Variants in P2RX5 observed in about 807,000 individuals in gnomAD.
P2RX5 encodes the protein purinergic receptor P2X 5, also known as P2X purinoceptor 5.
P2RX5 carries 46 observed loss-of-function variants against 54.1 expected under a neutral mutation model. That is an observed-to-expected ratio of 0.85 (90% CI 0.67 to 1.09). P2RX5 has a LOEUF of 1.09. Ranked by LOEUF, P2RX5 falls within the 50% of genes least tolerant of loss-of-function variation. P2RX5 has a pLI of 0.00. For synonymous variants in P2RX5, 226 were observed against 226.4 expected (o/e 1.00, Z 0.02); for missense variants, 566 against 549.8 (o/e 1.03, Z -0.29).
At chr17:3,690,863 G>A (rs1597269225) in intron 3 of P2RX5, 93 bp downstream of exon 3, 13 of 1,252,884 alleles carry the variant, frequency 1.0e-5, no homozygotes, top group Non-Finnish European at 1.5e-5. Context: ...GACCCTTGGA[G>A]TGGACAGACA....
At chr17:3,690,850 C>T (rs968493461) in intron 3 of P2RX5, 106 bp downstream of exon 3, 88 of 1,201,256 alleles carry the variant, frequency 7.3e-5, no homozygotes, top group Admixed American at 4.9e-4. Context: ...CACAGCCACC[C>T]GAGACCCTTG....
chr17:3,721,476 C>T, the P2RX5 span, among the ~76,000 whole-genome samples: 1 of 151,522 alleles, frequency 6.6e-6, no homozygotes. Context: ...TGGGGTTTCA[C>T]TATGCTGCCC....
the P2RX5 span, among the ~76,000 whole-genome samples, chr17:3,705,075 C>T: frequency 1.6e-4 from 25 of 152,308 alleles, no homozygotes; most frequent in East Asian, 1.7e-3. Flanking sequence ...AAGTCTACCA[C>T]GGTACCTCTT....
At chr17:3,723,334 T>C in the P2RX5 span, 2 of 1,613,970 alleles carry the variant, frequency 1.2e-6, no homozygotes, top group Non-Finnish European at 1.7e-6. Context: ...GGTGACATTT[T>C]CTTTATCTGA....
rs1718868156 is a variant in P2RX5 at position 3,691,708 on chromosome 17, A to C, written c.224T>G (p.Phe75Cys). 1.9e-6 allele frequency: 3 copies of C among 1,614,196 alleles called. No individual in the cohort carries two copies. The Admixed American group carries it at 5.0e-5, about 27-fold the overall frequency. The change falls in exon 2 of 12, where the codon TTC (phenylalanine) becomes TGC (cysteine). Residue 75 changes from phenylalanine (F) to cysteine (C), a missense_variant. Phe to Cys is a radical substitution (Grantham distance 205). Coordinates refer to ENST00000225328, the MANE Select transcript of P2RX5 (RefSeq NM_002561.4). ...AVITKVKGVAFTNTSDLGQRI... is the reference protein window; with the variant it reads ...AVITKVKGVACTNTSDLGQRI... ...CTGCCCAAGATCCGAGGTGTTGGTG[A>C]AGGCCACGCCCTTGACTTTGGTGAT...
chr17:3,691,971 A>AT, intron 1 of P2RX5, 177 bp from the exon 2 acceptor site: 1 of 665,830 alleles, frequency 1.5e-6, no homozygotes, highest in Non-Finnish European at 2.7e-6. Flanking sequence ...TGCTGACTGA[A>AT]ACCCAGTCCT....
chr17:3,683,359 C>T (rs1173206756), intron 9 of P2RX5, among the ~76,000 whole-genome samples: 1 of 152,216 alleles, frequency 6.6e-6, no homozygotes, highest in Non-Finnish European at 1.5e-5. Flanking sequence ...TAACCTTGAC[C>T]ACCACCTCTT....
chr17:3,722,124 A>G, the P2RX5 span, among the ~76,000 whole-genome samples: 4 of 151,648 alleles, frequency 2.6e-5, no homozygotes, highest in African/African-American at 4.9e-5. Context: ...GGTTGCAGTG[A>G]GCCGAGATCG....
At chr17:3,703,484 T>C in the P2RX5 span, among the ~76,000 whole-genome samples, 2 of 151,686 alleles carry the variant, frequency 1.3e-5, no homozygotes, top group East Asian at 2.0e-4. Context: ...GCTGAGATCA[T>C]GGCACTGCAC....
chr17:3,693,727 A>G (rs2050680747), intron 1 of P2RX5, among the ~76,000 whole-genome samples: 1 of 152,150 alleles, frequency 6.6e-6, no homozygotes, highest in Non-Finnish European at 1.5e-5. Context: ...AACAAGAGCG[A>G]AACTCCATCT....
At chr17:3,715,916 G>A in the P2RX5 span, among the ~76,000 whole-genome samples, 1 of 151,928 alleles carries the variant, frequency 6.6e-6, no homozygotes, top group Non-Finnish European at 1.5e-5. Context: ...CAGAACTTTG[G>A]GAGGCCGAGG....
the P2RX5 span, among the ~76,000 whole-genome samples, chr17:3,722,757 A>G: frequency 6.6e-6 from 1 of 152,202 alleles, no homozygotes; most frequent in African/African-American, 2.4e-5. Context: ...TGAAAAAAGT[A>G]TGGATTTTAG....
At chr17:3,675,756 T>C in intron 11 of P2RX5, 3 of 722,900 alleles carry the variant, frequency 4.1e-6, no homozygotes, top group Middle Eastern at 7.0e-4. Flanking sequence ...TTTTGCCATA[T>C]TGGCCAGGCT....
chr17:3,709,511 C>A, the P2RX5 span, among the ~76,000 whole-genome samples: 2 of 152,190 alleles, frequency 1.3e-5, no homozygotes, highest in African/African-American at 4.8e-5. Flanking sequence ...AAGCCAGGCA[C>A]AGTGGCACAT....
chr17:3,701,335 T>C, the P2RX5 span, among the ~76,000 whole-genome samples: 1 of 152,184 alleles, frequency 6.6e-6, no homozygotes, highest in Non-Finnish European at 1.5e-5. Context: ...AGTCAAAAGA[T>C]TGGACACCTC....
chr17:3,677,333 C>T, intron 11 of P2RX5: 1 of 977,504 alleles, frequency 1.0e-6, no homozygotes, highest in Non-Finnish European at 1.2e-6. Flanking sequence ...GGTCCATATT[C>T]CCCGGGCGTC....
rs559329049 is a variant in P2RX5, at chr17:3,682,559, G to C, written c.982-581C>G. On this transcript the variant is annotated intron_variant, in intron 9 of 11. Coordinates refer to ENST00000225328, the MANE Select transcript of P2RX5 (RefSeq NM_002561.4). ...ATGCGCTTCTGGAGAAGGGGATGGGGACTGGCCTGTTAGGCTTCTTAGAAT... is the reference window on the plus strand; with the variant it reads ...ATGCGCTTCTGGAGAAGGGGATGGGCACTGGCCTGTTAGGCTTCTTAGAAT... The C allele has an allele frequency of 1.2e-4, 21 of 177,386 alleles. No homozygotes were observed. The South Asian group carries it at 2.4e-3, about 20-fold the overall frequency. 11.0% of individuals were successfully genotyped at this position (177,386 alleles called of 1,614,324 possible).
At chr17:3,714,930 T>TA in the P2RX5 span, 7 of 1,601,206 alleles carry the variant, frequency 4.4e-6, no homozygotes, top group Non-Finnish European at 6.0e-6. Flanking sequence ...TATTTTCTTT[T>TA]AAAAAAGCCA....
At chr17:3,699,222 C>A (rs915621677), upstream of P2RX5, among the ~76,000 whole-genome samples, 8 of 151,500 alleles carry the variant, frequency 5.3e-5, no homozygotes, top group East Asian at 1.4e-3. Flanking sequence ...ATAGGGAGAC[C>A]CCTTCTATAC....
Sources: allele counts gnomAD v4.1 joint callset (sites outside exome capture counted in the v4.1 genomes callset), GRCh38; gene constraint gnomAD v4.1.1; transcripts MANE v1.5; gene names NCBI Gene and HGNC (gene_info 2026-07-23, HGNC 2026-07-21).